The following TYW1B variants were observed in gnomAD, a reference collection of about 807,000 sequenced individuals.
TYW1B encodes the protein S-adenosyl-L-methionine-dependent tRNA 4-demethylwyosine synthase TYW1B.
A neutral mutation model predicts 86.9 loss-of-function variants in TYW1B; 73 were observed. That is an observed-to-expected ratio of 0.84 (90% CI 0.70 to 1.02). TYW1B has a LOEUF of 1.02. Among genes scored for constraint, TYW1B ranks in the 50% least tolerant of loss-of-function variants. TYW1B has a pLI of 0.00. For missense variants in TYW1B, 637 were observed against 827.4 expected (o/e 0.77, Z 2.82); for synonymous variants, 248 against 292.8 (o/e 0.85, Z 1.56).
intron 11 of TYW1B, among the ~76,000 whole-genome samples, chr7:72,691,103 AAT>A (rs1430650620): frequency 2.0e-5 from 3 of 152,246 alleles, no homozygotes; most frequent in African/African-American, 7.2e-5. Context: ...ATAACTACAA[AAT>A]ATATGTTTTA....
At chr7:72,651,449 C>G (rs1162946826) in intron 11 of TYW1B, among the ~76,000 whole-genome samples, 1 of 150,198 alleles carries the variant, frequency 6.7e-6, no homozygotes, top group Non-Finnish European at 1.5e-5. Context: ...GAAACCCCAT[C>G]TCTACTAAAA....
intron 11 of TYW1B, among the ~76,000 whole-genome samples, chr7:72,664,137 T>C (rs1813403667): frequency 1.3e-5 from 2 of 151,972 alleles, no homozygotes; most frequent in Non-Finnish European, 2.9e-5. Context: ...AAGATGACCA[T>C]CTATTCTCTT....
chr7:72,582,940 A>G (rs1396990324), intron 13 of TYW1B, among the ~76,000 whole-genome samples: 1 of 152,206 alleles, frequency 6.6e-6, no homozygotes, highest in African/African-American at 2.4e-5. Context: ...CGTGGTTATA[A>G]TAATGCAAAA....
intron 7 of TYW1B, among the ~76,000 whole-genome samples, chr7:72,753,946 G>C (rs1272019157): frequency 6.6e-6 from 1 of 151,926 alleles, no homozygotes; most frequent in Non-Finnish European, 1.5e-5. Flanking sequence ...TCACTTTACT[G>C]TGATATTTGC....
At chr7:72,634,710 G>C (rs1315371618) in intron 11 of TYW1B, among the ~76,000 whole-genome samples, 1 of 152,012 alleles carries the variant, frequency 6.6e-6, no homozygotes, top group African/African-American at 2.4e-5. Flanking sequence ...CTTTTGCATT[G>C]TTTTGGTTTT....
chr7:72,675,539 GTATATA>G (rs57288719), intron 11 of TYW1B, among the ~76,000 whole-genome samples: 1 of 144,486 alleles, frequency 6.9e-6, no homozygotes. Context: ...AGTGATGTCA[GTATATA>G]TATATATATA....
Position 72,760,958 on chromosome 7 carries a change from G to A in TYW1B, c.965-16357C>T, listed in dbSNP as rs77228165. 4.3e-3 allele frequency among the ~76,000 whole-genome samples: 660 copies of A among 152,134 alleles called. 6 individuals carry two copies. The highest frequency in any genetic ancestry group is 0.015 in the African/African-American group (602 of 41,516). ...TGTATATCCTGAATTATTGGACACC[G>A]GATATTCACAGGCTATAAAAATGAT... is the stretch of plus-strand genomic sequence containing the variant. On this transcript the variant is annotated intron_variant, in intron 7 of 13. Coordinates refer to ENST00000620995, the MANE Select transcript of TYW1B (RefSeq NM_001145440.3).
At chr7:72,760,489 T>C (rs1364216822) in intron 7 of TYW1B, among the ~76,000 whole-genome samples, 1 of 152,210 alleles carries the variant, frequency 6.6e-6, no homozygotes, top group African/African-American at 2.4e-5. Flanking sequence ...AAATGAAAAC[T>C]ATAAGATCTT....
intron 10 of TYW1B, among the ~76,000 whole-genome samples, chr7:72,696,359 T>G (rs1814321134): frequency 6.6e-6 from 1 of 152,204 alleles, no homozygotes. Flanking sequence ...TTAATCATCT[T>G]CTGATCAAAT....
intron 7 of TYW1B, among the ~76,000 whole-genome samples, chr7:72,746,640 C>T (rs531626431): frequency 6.6e-6 from 1 of 152,108 alleles, no homozygotes; most frequent in East Asian, 1.9e-4. Context: ...GAGTGGGACC[C>T]GAATCTAACA....
At chr7:72,685,345 AC>A (rs1476625075) in intron 11 of TYW1B, among the ~76,000 whole-genome samples, 1 of 152,164 alleles carries the variant, frequency 6.6e-6, no homozygotes, top group Non-Finnish European at 1.5e-5. Flanking sequence ...AATGTGGAAT[AC>A]AAAAATAGAA....
rs564818717 is a variant in TYW1B, at chr7:72,628,785, G to A, written c.1617+102C>T. On this transcript the variant is annotated intron_variant, in intron 12 of 13. Coordinates refer to ENST00000620995, the MANE Select transcript of TYW1B (RefSeq NM_001145440.3). ...AAATGAATACATCAATAAAATTCCTGGGACCTCTAGAGTTTTACAAGGTTT... is the reference window on the plus strand; with the variant it reads ...AAATGAATACATCAATAAAATTCCTAGGACCTCTAGAGTTTTACAAGGTTT... The A allele has an allele frequency of 3.6e-3, 2,868 of 789,218 alleles. 46 individuals carry two copies. In the African/African-American group the frequency reaches 0.043, roughly 12 times the overall value. The allele number at this position is 789,218 out of a possible 1,614,324, so 48.9% of individuals were successfully genotyped here.
intron 5 of TYW1B, among the ~76,000 whole-genome samples, chr7:72,806,017 A>G (rs1261903537): frequency 6.6e-6 from 1 of 152,096 alleles, no homozygotes; most frequent in Non-Finnish European, 1.5e-5. Flanking sequence ...TGAGGGAAAA[A>G]GCGGAATCTA....
chr7:72,662,444 T>TAGATAGAC (rs1478891043), intron 11 of TYW1B, among the ~76,000 whole-genome samples: 2 of 151,612 alleles, frequency 1.3e-5, no homozygotes, highest in East Asian at 3.9e-4. Flanking sequence ...GATAGATAGA[T>TAGATAGAC]AGATAGATAG....
In TYW1B at chr7:72,582,698, TG is replaced by T. The variant is rs140679894; in HGVS notation, c.1786-6980del. Among the ~76,000 whole-genome samples the T allele has an allele frequency of 5.8e-3, 888 of 152,088 alleles. 11 individuals carry two copies. Among genetic ancestry groups the T allele is most frequent in the African/African-American group, 0.02 (841 of 41,520 alleles). ...TAGAGAGTGAACTGTCCAAGGTAGG[TG>T]GGTAAGTAAGTGTCCTGCAGAGACT... is the stretch of plus-strand genomic sequence containing the variant. On this transcript the variant is annotated intron_variant, in intron 13 of 13. Coordinates refer to ENST00000620995, the MANE Select transcript of TYW1B (RefSeq NM_001145440.3).
At chr7:72,654,340 C>T (rs1223962205) in intron 11 of TYW1B, among the ~76,000 whole-genome samples, 1 of 152,132 alleles carries the variant, frequency 6.6e-6, no homozygotes. Context: ...ACAATTTAAT[C>T]ATAAGAAAAG....
At chr7:72,666,986 C>T (rs183087019) in intron 11 of TYW1B, among the ~76,000 whole-genome samples, 17 of 124,720 alleles carry the variant, frequency 1.4e-4, no homozygotes, top group African/African-American at 3.9e-4. Flanking sequence ...GAGCCGAGAT[C>T]GCGCCACTGC....
chr7:72,668,600 G>A (rs1203359424), intron 11 of TYW1B, among the ~76,000 whole-genome samples: 7 of 152,118 alleles, frequency 4.6e-5, no homozygotes, highest in Admixed American at 4.6e-4. Flanking sequence ...GAACTGAACT[G>A]CTCCACAAGC....
At chr7:72,655,788 T>G (rs1813187736) in intron 11 of TYW1B, among the ~76,000 whole-genome samples, 1 of 152,198 alleles carries the variant, frequency 6.6e-6, no homozygotes, top group African/African-American at 2.4e-5. Context: ...TCTCTGGGCA[T>G]GAAGATGTGT....
Sources: allele counts gnomAD v4.1 joint callset (sites outside exome capture counted in the v4.1 genomes callset), GRCh38; gene constraint gnomAD v4.1.1; transcripts MANE v1.5; gene names NCBI Gene and HGNC (gene_info 2026-07-23, HGNC 2026-07-21).